AP3M2: variants seen among roughly 807,000 people sequenced by gnomAD.
AP3M2 encodes the protein AP-3 complex subunit mu-2.
AP3M2 carries 28 observed loss-of-function variants against 41.6 expected under a neutral mutation model. The ratio of observed to expected loss-of-function variants is 0.67; its 90% CI spans 0.50 to 0.92. The LOEUF is 0.92. AP3M2 is among the 40% of genes least tolerant of loss of function. The pLI is 0.00. For synonymous variants in AP3M2, 193 were observed against 186.4 expected, an observed-to-expected ratio of 1.04 and a Z score of -0.29; for missense variants, 427 against 521.4, an observed-to-expected ratio of 0.82 and a Z score of 1.76.
intron 5 of AP3M2, 85 bp downstream of exon 5, chr8:42,165,241 C>G (rs1407505060): frequency 3.4e-6 from 5 of 1,482,128 alleles, no homozygotes; most frequent in African/African-American, 2.8e-5. Flanking sequence ...TGGAATAGAA[C>G]AAGAAGAAAT....
In AP3M2 at chr8:42,169,761, A is replaced by G. The variant is rs1162356150; in HGVS notation, c.*700A>G. 6.6e-6 allele frequency: 1 copy of G among 152,252 alleles called. No individual in the cohort carries two copies. The highest frequency in any genetic ancestry group is 6.5e-5 in the Admixed American group (1 of 15,280). The allele number at this position is 152,252 out of a possible 1,614,324, so 9.4% of individuals were successfully genotyped here. A position where few individuals can be genotyped will look rare whatever the true frequency, so the allele number is the denominator to read the frequency against. ...ATTTTCCCTCAAAGACCATGATGGT[A>G]TCGGACTAGTTTTCAGACACTGCCT... On this transcript the variant is annotated 3_prime_UTR_variant, in exon 9 of 9. Coordinates refer to ENST00000396926, the MANE Select transcript of AP3M2 (RefSeq NM_006803.4).
chr8:42,155,035 C>T, intron 2 of AP3M2, 75 bp downstream of exon 2: 1 of 1,257,056 alleles, frequency 8.0e-7, no homozygotes, highest in South Asian at 1.4e-5. Context: ...TGTGTAAAGC[C>T]TCCATTAAGA....
At position 42,169,311 on chromosome 8, in the gene AP3M2, G is replaced by A; in HGVS notation, c.*250G>A. On this transcript the variant is annotated 3_prime_UTR_variant, in exon 9 of 9. Transcript: ENST00000396926. ...GTGTGTGATGGGGGTAGGAAGCTTGGTGCTTATGTAACCATTTTAAACGTG... is the reference window on the plus strand; with the variant it reads ...GTGTGTGATGGGGGTAGGAAGCTTGATGCTTATGTAACCATTTTAAACGTG... 2.9e-6 allele frequency: 1 copy of A among 339,694 alleles called. No individual in the cohort carries two copies. Among genetic ancestry groups the A allele is most frequent in the Non-Finnish European group, 5.3e-6 (1 of 189,390 alleles). 21.0% of individuals were successfully genotyped at this position (339,694 alleles called of 1,614,324 possible).
At chr8:42,165,713 T>A in intron 6 of AP3M2, 153 bp downstream of exon 6, 1 of 782,214 alleles carries the variant, frequency 1.3e-6, no homozygotes, top group Non-Finnish European at 2.0e-6. Flanking sequence ...GTGAGTTGCT[T>A]AACCCCTATG....
At chr8:42,167,439 A>G (rs528148678) in intron 7 of AP3M2, 68 bp downstream of exon 7, 58 of 1,569,258 alleles carry the variant, frequency 3.7e-5, no homozygotes, top group Non-Finnish European at 5.0e-5. Context: ...TTCTCTGTGT[A>G]GACTCTAGAC....
chr8:42,158,919 G>T (rs1024905862), intron 3 of AP3M2, among the ~76,000 whole-genome samples: 1 of 151,528 alleles, frequency 6.6e-6, no homozygotes, highest in African/African-American at 2.4e-5. Flanking sequence ...TCAGCCTCCC[G>T]AGTAGCTGGG....
intron 8 of AP3M2, chr8:42,168,078 C>T (rs947719045): frequency 1.8e-6 from 1 of 563,062 alleles, no homozygotes; most frequent in Non-Finnish European, 3.2e-6. Flanking sequence ...ATTCACTAGC[C>T]ATTTTTGGAT....
Position 42,154,942 on chromosome 8 carries a change from A to G in AP3M2, c.255A>G (p.Arg85=). 6.2e-7 allele frequency: 1 copy of G among 1,613,956 alleles called. No individual in the cohort carries two copies. Among genetic ancestry groups the G allele is most frequent in the Non-Finnish European group, 8.5e-7 (1 of 1,179,920 alleles). Residue 85 remains arginine, a synonymous_variant, in exon 2 of 9, where the codon CGA becomes CGG. Coordinates refer to ENST00000396926, the MANE Select transcript of AP3M2 (RefSeq NM_006803.4). The stretch of plus-strand genomic sequence containing the variant: ...TGTTTGTCATTGAGTTTCTTCACCG[A>G]GTGGTGGACACATTTCAGGTTCGTG... The part of the protein sequence containing the change: ...PPLFVIEFLH[R]VVDTFQDYFG...
rs1015931898 is a variant in AP3M2, at chr8:42,169,763, C to T, written c.*702C>T. ...TTTCCCTCAAAGACCATGATGGTAT[C>T]GGACTAGTTTTCAGACACTGCCTGT... On this transcript the variant is annotated 3_prime_UTR_variant, in exon 9 of 9. Coordinates refer to ENST00000396926, the MANE Select transcript of AP3M2 (RefSeq NM_006803.4). The T allele has an allele frequency of 6.6e-6, 1 of 152,230 alleles. No individual in the cohort carries two copies. Among genetic ancestry groups the T allele is most frequent in the African/African-American group, 2.4e-5 (1 of 41,460 alleles). 9.4% of individuals were successfully genotyped at this position (152,230 alleles called of 1,614,324 possible).
At chr8:42,162,539 T>C in intron 4 of AP3M2, 121 bp downstream of exon 4, 4 of 1,169,918 alleles carry the variant, frequency 3.4e-6, no homozygotes, top group Non-Finnish European at 4.8e-6. Context: ...AGTGCCTACT[T>C]TGTGCCAGGC....
chr8:42,160,496 A>C (rs1012433847), intron 3 of AP3M2, among the ~76,000 whole-genome samples: 2 of 152,230 alleles, frequency 1.3e-5, no homozygotes, highest in African/African-American at 4.8e-5. Flanking sequence ...ACACAAAATA[A>C]AGTCTAGCTA....
intron 5 of AP3M2, 37 bp downstream of exon 5, chr8:42,165,193 A>G: frequency 6.3e-7 from 1 of 1,590,376 alleles, no homozygotes; most frequent in South Asian, 1.1e-5. Context: ...TCTTGGGATG[A>G]GAAATTAAAT....
intron 3 of AP3M2, 78 bp from the exon 4 acceptor site, chr8:42,162,203 A>G (rs1450454691): frequency 1.4e-6 from 2 of 1,407,668 alleles, no homozygotes; most frequent in African/African-American, 1.5e-5. Flanking sequence ...TAGTGGGAGC[A>G]TAGAAACTTC....
At chr8:42,157,813 CGTT>C (rs35663275) in intron 2 of AP3M2, 125 bp from the exon 3 acceptor site, 92,988 of 841,520 alleles carry the variant, frequency 0.11, 5,572 homozygotes, top group East Asian at 0.16. Context: ...TGCATTCCCT[CGTT>C]GTAGAAGAGT....
chr8:42,159,039 C>T (rs776775904), intron 3 of AP3M2, among the ~76,000 whole-genome samples: 22 of 152,306 alleles, frequency 1.4e-4, no homozygotes, highest in Non-Finnish European at 2.8e-4. Context: ...AAGTGATCCA[C>T]CCACCTTGGC....
Position 42,167,381 on chromosome 8 carries a change from A to T in AP3M2, c.1011+10A>T, listed in dbSNP as rs745416342. Reference sequence around the variant, plus strand: ...CGACCCAGTCACAAAGGTAGGGATGAGCAGGACATCTTGAATTGCTGATGT... The same window carrying T: ...CGACCCAGTCACAAAGGTAGGGATGTGCAGGACATCTTGAATTGCTGATGT... On this transcript the variant is annotated intron_variant, in intron 7 of 8. Coordinates refer to ENST00000396926, the MANE Select transcript of AP3M2 (RefSeq NM_006803.4). 1.9e-6 allele frequency: 3 copies of T among 1,612,744 alleles called. No individual in the cohort carries two copies. The highest frequency in any genetic ancestry group is 3.3e-5 in the Admixed American group (2 of 59,984).
At chr8:42,153,339 G>A in intron 1 of AP3M2, 1 of 152,188 alleles carries the variant, frequency 6.6e-6, no homozygotes, top group Non-Finnish European at 1.5e-5. Flanking sequence ...GCGCGGCCCG[G>A]CACCCCTGCG....
chr8:42,154,016 C>T (rs1367003636), intron 1 of AP3M2: 1 of 151,994 alleles, frequency 6.6e-6, no homozygotes, highest in Non-Finnish European at 1.5e-5. Context: ...TGATTTAACC[C>T]AGGATATCCA....
Position 42,167,730 on chromosome 8 carries a change from G to A in AP3M2, c.1076G>A (p.Ser359Asn), listed in dbSNP as rs1804680014. 1.2e-6 allele frequency: 2 copies of A among 1,614,008 alleles called. No homozygotes were observed. Among genetic ancestry groups the A allele is most frequent in the African/African-American group, 1.3e-5 (1 of 74,916 alleles). ...CTACCAAGTTTGAAGGGGACCATGAGTCTTCAGGCTGGAGCTTCCAAACCA... is the reference window on the plus strand; with the variant it reads ...CTACCAAGTTTGAAGGGGACCATGAATCTTCAGGCTGGAGCTTCCAAACCA... ...QKLPSLKGTMSLQAGASKPDE... is the reference protein window; with the variant it reads ...QKLPSLKGTMNLQAGASKPDE... Residue 359 changes from serine to asparagine, a missense_variant, in exon 8 of 9, where the codon AGT (serine) becomes AAT (asparagine). Around this residue, in one of 3 missense-constraint regions of AP3M2, gnomAD observed 237 missense variants for 284.9 expected, o/e 0.83. Coordinates refer to ENST00000396926, the MANE Select transcript of AP3M2 (RefSeq NM_006803.4).
Sources: gnomAD v4.1 joint callset for allele counts (sites outside exome capture counted in the v4.1 genomes callset) on GRCh38, gnomAD v4.1.1 for gene constraint, gnomAD v4.1.1 regional missense constraint, MANE v1.5 for transcripts, NCBI Gene and HGNC (gene_info 2026-07-23, HGNC 2026-07-21) for gene names.